GPR158: variants seen among roughly 807,000 people sequenced by gnomAD.
The protein encoded by GPR158 is G protein-coupled receptor 158, also known as metabotropic glycine receptor.
Under a neutral mutation model 78.2 loss-of-function variants are expected in GPR158, and 30 were observed. That is an observed-to-expected ratio of 0.38 (90% CI 0.29 to 0.52). The LOEUF is 0.52. Among genes scored for constraint, GPR158 ranks in the 20% least tolerant of loss-of-function variants. The pLI is 0.83. For synonymous variants in GPR158, 581 were observed against 591.1 expected, an observed-to-expected ratio of 0.98 and a Z score of 0.25; for missense variants, 1,463 against 1,523.5, an observed-to-expected ratio of 0.96 and a Z score of 0.66.
intron 2 of GPR158, among the ~76,000 whole-genome samples, chr10:25,261,220 G>A (rs182332366): frequency 2.6e-4 from 40 of 152,232 alleles, no homozygotes; most frequent in Admixed American, 5.2e-4. Context: ...AAGAACAACT[G>A]CTTAAATTCT....
chr10:25,496,619 A>G (rs1835884206), intron 5 of GPR158, among the ~76,000 whole-genome samples: 1 of 152,186 alleles, frequency 6.6e-6, no homozygotes, highest in African/African-American at 2.4e-5. Context: ...AGGAACTTTA[A>G]CTGCTGAAAT....
At chr10:25,423,525 A>G (rs1330770743) in intron 4 of GPR158, among the ~76,000 whole-genome samples, 3 of 151,846 alleles carry the variant, frequency 2.0e-5, no homozygotes, top group African/African-American at 2.4e-5. Context: ...TCTTAATGCT[A>G]TCCGTCCCCC....
intron 2 of GPR158, among the ~76,000 whole-genome samples, chr10:25,270,953 T>A (rs1406946119): frequency 6.6e-6 from 1 of 152,206 alleles, no homozygotes; most frequent in East Asian, 1.9e-4. Context: ...TATCAAGACC[T>A]ATAAAGTCCT....
chr10:25,321,331 T>G (rs1294232070), intron 2 of GPR158, among the ~76,000 whole-genome samples: 1 of 152,212 alleles, frequency 6.6e-6, no homozygotes, highest in Admixed American at 6.6e-5. Context: ...TCCAGAGAAT[T>G]GTAATGATTA....
chr10:25,313,304 C>T (rs1003469556), intron 2 of GPR158, among the ~76,000 whole-genome samples: 5 of 150,622 alleles, frequency 3.3e-5, no homozygotes, highest in South Asian at 4.2e-4. Flanking sequence ...TGCTAAATGA[C>T]GAGTTAATGG....
At chr10:25,561,848 T>G (rs1450775208) in intron 6 of GPR158, among the ~76,000 whole-genome samples, 2 of 152,088 alleles carry the variant, frequency 1.3e-5, no homozygotes, top group African/African-American at 4.8e-5. Context: ...CTCTGATGAA[T>G]AAGGAAGGGT....
intron 2 of GPR158, among the ~76,000 whole-genome samples, chr10:25,269,492 T>G (rs1854087927): frequency 1.3e-5 from 2 of 152,176 alleles, no homozygotes; most frequent in South Asian, 2.1e-4. Context: ...CTGACCACAT[T>G]TTAGTTTTAT....
At chr10:25,250,123 A>G in intron 2 of GPR158, among the ~76,000 whole-genome samples, 1 of 118,706 alleles carries the variant, frequency 8.4e-6, no homozygotes, top group Non-Finnish European at 1.7e-5. Flanking sequence ...GTATTCTCTG[A>G]TGGTAGTTTG....
chr10:25,475,774 T>C (rs528978134), intron 5 of GPR158: 1 of 152,234 alleles, frequency 6.6e-6, no homozygotes, highest in African/African-American at 2.4e-5. Context: ...TTCATGAAAG[T>C]TCTACTGGGA....
intron 5 of GPR158, among the ~76,000 whole-genome samples, chr10:25,540,945 A>AATATATATAT (rs57800341): frequency 9.6e-5 from 8 of 82,920 alleles, no homozygotes; most frequent in African/African-American, 5.9e-4. Flanking sequence ...GTATAATAAA[A>AATATATATAT]ATATATATAT....
chr10:25,573,933 G>A (rs992048593), intron 7 of GPR158, among the ~76,000 whole-genome samples: 5 of 151,752 alleles, frequency 3.3e-5, no homozygotes, highest in African/African-American at 1.2e-4. Flanking sequence ...TTATATTTTG[G>A]GTAATATAAC....
At chr10:25,535,417 C>T (rs1016386206) in intron 5 of GPR158, among the ~76,000 whole-genome samples, 2 of 152,202 alleles carry the variant, frequency 1.3e-5, no homozygotes, top group African/African-American at 2.4e-5. Flanking sequence ...TGGCCTCCAA[C>T]CCACAGCCAG....
intron 4 of GPR158, among the ~76,000 whole-genome samples, chr10:25,423,299 G>A (rs2130564422): frequency 6.6e-6 from 1 of 151,966 alleles, no homozygotes; most frequent in Non-Finnish European, 1.5e-5. Flanking sequence ...ACATGCATAT[G>A]CAGATATCTT....
intron 1 of GPR158, among the ~76,000 whole-genome samples, chr10:25,187,077 G>T (rs1351688531): frequency 1.4e-5 from 2 of 147,824 alleles, no homozygotes; most frequent in African/African-American, 5.0e-5. Flanking sequence ...CCATTTTCCT[G>T]CCTCAGCCTC....
chr10:25,316,122 A>G (rs1854844607), intron 2 of GPR158, among the ~76,000 whole-genome samples: 1 of 152,132 alleles, frequency 6.6e-6, no homozygotes, highest in Admixed American at 6.5e-5. Context: ...CTCTTACGCT[A>G]GTAACTTATT....
chr10:25,402,950 A>C (rs1003296924), intron 3 of GPR158, among the ~76,000 whole-genome samples: 2 of 151,752 alleles, frequency 1.3e-5, no homozygotes, highest in African/African-American at 4.8e-5. Flanking sequence ...CTCATTCAAT[A>C]AACTTTGGAA....
At chr10:25,412,533 G>A in intron 4 of GPR158, 60 bp downstream of exon 4, 2 of 1,193,490 alleles carry the variant, frequency 1.7e-6, no homozygotes, top group Non-Finnish European at 2.5e-6. Flanking sequence ...ATCTTTTTAA[G>A]CAAACAGAAT....
chr10:25,420,149 G>A (rs1834729392), intron 4 of GPR158, among the ~76,000 whole-genome samples: 1 of 151,924 alleles, frequency 6.6e-6, no homozygotes, highest in East Asian at 1.9e-4. Context: ...AAGCCCCAAA[G>A]TTATTTATTT....
At chr10:25,257,047 C>T (rs1853898023) in intron 2 of GPR158, among the ~76,000 whole-genome samples, 1 of 152,126 alleles carries the variant, frequency 6.6e-6, no homozygotes, top group Admixed American at 6.5e-5. Context: ...ATACCACAGA[C>T]TGAGTAATTT....
Sources: allele counts gnomAD v4.1 joint callset (sites outside exome capture counted in the v4.1 genomes callset), GRCh38; gene constraint gnomAD v4.1.1; transcripts MANE v1.5; gene names NCBI Gene and HGNC (gene_info 2026-07-23, HGNC 2026-07-21).